Variants in CYREN observed in about 807,000 individuals in gnomAD.
The protein encoded by CYREN is cell cycle regulator of non-homologous end joining.
CYREN carries 7 observed loss-of-function variants against 9.7 expected under a neutral mutation model. The ratio of observed to expected loss-of-function variants is 0.72; its 90% confidence interval spans 0.41 to 1.36. The LOEUF is 1.36. Ranked by LOEUF, CYREN falls within the 40% of genes most tolerant of loss-of-function variation. The pLI, the probability that CYREN is intolerant of heterozygous loss-of-function variation, is 0.01. For synonymous variants in CYREN, 76 were observed against 77.9 expected (o/e 0.98, Z 0.13); for missense variants, 215 against 198.1 (o/e 1.09, Z -0.51).
chr7:135,126,704 A>C (rs1419901412), intron 2 of CYREN, among the ~76,000 whole-genome samples: 1 of 152,148 alleles, frequency 6.6e-6, no homozygotes, highest in Admixed American at 6.5e-5. Flanking sequence ...GAGACCTCAG[A>C]AATAATACCA....
At chr7:135,129,143 C>G in intron 2 of CYREN, 1 of 1,494,102 alleles carries the variant, frequency 6.7e-7, no homozygotes, top group Non-Finnish European at 9.3e-7. Flanking sequence ...CCTATTATGA[C>G]TGCCTTCTCC....
intron 2 of CYREN, among the ~76,000 whole-genome samples, chr7:135,110,085 T>C (rs1015697354): frequency 1.3e-5 from 2 of 151,802 alleles, no homozygotes; most frequent in Non-Finnish European, 2.9e-5. Flanking sequence ...ACAGCAAAGA[T>C]AGTGGTTCAC....
chr7:135,129,138 T>G (rs924817922), intron 2 of CYREN: 2 of 1,509,826 alleles, frequency 1.3e-6, no homozygotes, highest in Non-Finnish European at 1.8e-6. Flanking sequence ...ATTTGCCTAT[T>G]ATGACTGCCT....
intron 2 of CYREN, among the ~76,000 whole-genome samples, chr7:135,109,142 T>A (rs1301806423): frequency 6.6e-6 from 1 of 152,202 alleles, no homozygotes; most frequent in Non-Finnish European, 1.5e-5. Flanking sequence ...TCTCCTGAAT[T>A]TTGATGATCT....
chr7:135,123,196 A>G (rs558872743), intron 2 of CYREN, among the ~76,000 whole-genome samples: 204 of 152,330 alleles, frequency 1.3e-3, no homozygotes, highest in African/African-American at 4.8e-3. Flanking sequence ...TTAGAGAGGA[A>G]CATAAATGAC....
chr7:135,115,433 A>T, intron 2 of CYREN: 1 of 1,551,450 alleles, frequency 6.4e-7, no homozygotes, highest in Non-Finnish European at 8.7e-7. Context: ...TTTCCAAAGC[A>T]AGAAGACTGG....
chr7:135,170,831 C>T (rs564938759), upstream of CYREN: 3 of 152,266 alleles, frequency 2.0e-5, no homozygotes, highest in South Asian at 2.1e-4. Context: ...ACTTCCGGCT[C>T]CCGGCAGCTG....
intron 2 of CYREN, among the ~76,000 whole-genome samples, chr7:135,144,952 A>AT (rs1452577798): frequency 2.7e-5 from 4 of 146,970 alleles, no homozygotes; most frequent in African/African-American, 9.9e-5. Flanking sequence ...AAAAAAAAAA[A>AT]AAAAAAAAAA....
At position 135,166,905 on chromosome 7, in the gene CYREN, C is replaced by A. The variant is rs200327592; in HGVS notation, c.214-34G>T. ...TACGGGAAAACGCAGGCTCAACATACGTGTTTTATTTCCCTAACATGCTGA... is the reference window on the plus strand; with the variant it reads ...TACGGGAAAACGCAGGCTCAACATAAGTGTTTTATTTCCCTAACATGCTGA... On this transcript the variant is annotated intron_variant, in intron 3 of 3. Coordinates refer to ENST00000393114, the MANE Select transcript of CYREN (RefSeq NM_024033.4). 36 of 1,599,988 alleles carry A rather than the reference C, an allele frequency of 2.3e-5. No individual in the cohort carries two copies. The Admixed American group carries it at 2.5e-4, about 11-fold the overall frequency.
chr7:135,131,400 C>A (rs1828749292), intron 2 of CYREN, among the ~76,000 whole-genome samples: 1 of 151,520 alleles, frequency 6.6e-6, no homozygotes, highest in Admixed American at 6.6e-5. Context: ...ATGTAACAAA[C>A]CTGCACGTTC....
chr7:135,171,699 G>C (rs1045649284), upstream of CYREN, among the ~76,000 whole-genome samples: 1 of 152,208 alleles, frequency 6.6e-6, no homozygotes, highest in African/African-American at 2.4e-5. Context: ...TTCTTCTACA[G>C]CTCCGTGTCT....
chr7:135,169,342 AG>A (rs1395381916), intron 1 of CYREN: 1 of 154,926 alleles, frequency 6.5e-6, no homozygotes, highest in African/African-American at 2.4e-5. Context: ...AAGGAGGCGG[AG>A]GCCCCTAATG....
chr7:135,105,701 CT>C (rs749312319), intron 2 of CYREN, among the ~76,000 whole-genome samples: 2 of 152,040 alleles, frequency 1.3e-5, no homozygotes, highest in African/African-American at 2.4e-5. Context: ...TTAGGATTGC[CT>C]TTGCTATTTG....
chr7:135,105,842 T>C (rs1392432627), intron 2 of CYREN, among the ~76,000 whole-genome samples: 3 of 152,248 alleles, frequency 2.0e-5, no homozygotes, highest in Non-Finnish European at 4.4e-5. Context: ...TATGACCATT[T>C]TAATGACATT....
rs949743084 is a variant in CYREN, at chr7:135,167,673, G to T, written c.213+59C>A. 5.0e-6 allele frequency: 8 copies of T among 1,606,562 alleles called. No individual in the cohort carries two copies. The African/African-American group carries it at 1.1e-4, about 21-fold the overall frequency. ...TCTCTCTTACTGACGGTGACCAAGG[G>T]TCTAGCCTCTGCCCATGCAGAGTTT... On this transcript the variant is annotated intron_variant, in intron 3 of 3. Transcript: ENST00000393114.
chr7:135,117,624 A>G (rs1826514351), intron 2 of CYREN, among the ~76,000 whole-genome samples: 1 of 152,262 alleles, frequency 6.6e-6, no homozygotes, highest in Admixed American at 6.5e-5. Context: ...GCCATAAAGA[A>G]CTAAGTTGTA....
At chr7:135,149,405 T>C (rs13229466) in intron 2 of CYREN, among the ~76,000 whole-genome samples, 66,740 of 151,996 alleles carry the variant, frequency 0.44, 15,334 homozygotes, top group East Asian at 0.77. Flanking sequence ...TAGTATTTTA[T>C]CCTTGATACA....
chr7:135,127,838 G>A (rs957990949), intron 2 of CYREN, among the ~76,000 whole-genome samples: 1 of 152,050 alleles, frequency 6.6e-6, no homozygotes, highest in African/African-American at 2.4e-5. Context: ...TATACCCAAA[G>A]GAATATAAAT....
intron 2 of CYREN, among the ~76,000 whole-genome samples, chr7:135,158,661 G>A (rs2117451329): frequency 6.6e-6 from 1 of 152,154 alleles, no homozygotes; most frequent in South Asian, 2.1e-4. Flanking sequence ...TGCTACCTTG[G>A]GCCTGGGATC....
Sources: gnomAD v4.1 joint callset for allele counts (sites outside exome capture counted in the v4.1 genomes callset) on GRCh38, gnomAD v4.1.1 for gene constraint, MANE v1.5 for transcripts, NCBI Gene and HGNC (gene_info 2026-07-23, HGNC 2026-07-21) for gene names.